BOLL: variants seen among roughly 807,000 people sequenced by gnomAD.
BOLL encodes protein boule-like.
BOLL carries 23 observed loss-of-function variants against 44.4 expected under a neutral mutation model. The observed-to-expected ratio is 0.52, with a 90% confidence interval of 0.37 to 0.73. The LOEUF (loss-of-function observed/expected upper bound fraction) is 0.73, where lower values mean the gene tolerates loss of function less well. Among genes scored for constraint, BOLL ranks in the 30% least tolerant of loss-of-function variants. BOLL has a pLI of 0.00. For synonymous variants in BOLL, 97 were observed against 110.8 expected (o/e 0.88, Z 0.78); for missense variants, 287 against 338.3 (o/e 0.85, Z 1.19).
intron 3 of BOLL, among the ~76,000 whole-genome samples, 166 bp downstream of exon 3, chr2:197,778,805 TACAC>T (rs71964015): frequency 2.8e-5 from 4 of 143,478 alleles, no homozygotes; most frequent in Admixed American, 7.0e-5. Context: ...CCCTCCAAAA[TACAC>T]ACACACACAC....
chr2:197,753,287 A>T (rs1688349324), intron 9 of BOLL, among the ~76,000 whole-genome samples: 1 of 152,250 alleles, frequency 6.6e-6, no homozygotes, highest in African/African-American at 2.4e-5. Context: ...AAATTGACAA[A>T]TGGGATCTAA....
chr2:197,778,410 G>A (rs1689611384), intron 3 of BOLL, among the ~76,000 whole-genome samples: 1 of 151,694 alleles, frequency 6.6e-6, no homozygotes, highest in South Asian at 2.1e-4. Context: ...TCTGAAATTT[G>A]GCTTTGTACA....
intron 10 of BOLL, among the ~76,000 whole-genome samples, chr2:197,730,774 G>A (rs893472469): frequency 6.6e-6 from 1 of 152,002 alleles, no homozygotes; most frequent in Non-Finnish European, 1.5e-5. Flanking sequence ...GAGAGATTTT[G>A]TCACCACCAG....
intron 9 of BOLL, among the ~76,000 whole-genome samples, chr2:197,745,066 T>C (rs1187974507): frequency 6.6e-6 from 1 of 152,022 alleles, no homozygotes; most frequent in Non-Finnish European, 1.5e-5. Context: ...GTTTCAGGGG[T>C]TGGAGGCTGA....
chr2:197,780,928 C>G (rs1469422318), intron 2 of BOLL, among the ~76,000 whole-genome samples: 1 of 152,008 alleles, frequency 6.6e-6, no homozygotes, highest in Admixed American at 6.6e-5. Context: ...TTTACTCTTA[C>G]CTCCCCTATG....
intron 10 of BOLL, among the ~76,000 whole-genome samples, chr2:197,729,214 G>A (rs1687008589): frequency 1.3e-5 from 2 of 152,320 alleles, no homozygotes; most frequent in African/African-American, 4.8e-5. Context: ...AAGGGGTGAT[G>A]GACGGCACCT....
chr2:197,736,249 C>T (rs1192019129), intron 10 of BOLL, among the ~76,000 whole-genome samples: 2 of 151,756 alleles, frequency 1.3e-5, no homozygotes, highest in African/African-American at 4.8e-5. Flanking sequence ...AAACATAGGC[C>T]AACAAAAGTG....
Position 197,777,090 on chromosome 2 carries a change from G to A in BOLL, c.245C>T (p.Thr82Ile). 1 of 1,570,848 alleles carries A rather than the reference G, an allele frequency of 6.4e-7. No homozygotes were observed. The highest frequency in any genetic ancestry group is 8.7e-7 in the Non-Finnish European group (1 of 1,151,010). Reference sequence around the variant, plus strand: ...TAAAATTTTTTGTGCATCTTCTTGTGTTTCAAAAGTGACGAAACCATACCT... The same window carrying A: ...TAAAATTTTTTGTGCATCTTCTTGTATTTCAAAAGTGACGAAACCATACCT... ...SKGYGFVTFE[T>I]QEDAQKILQE... The change falls in exon 4 of 11, where the codon ACA becomes ATA. Residue 82 changes from threonine to isoleucine, a missense_variant. Thr to Ile is a moderately conservative substitution (Grantham distance 89). Coordinates refer to ENST00000392296, the MANE Select transcript of BOLL (RefSeq NM_033030.6).
At chr2:197,773,423 T>G (rs1689357492) in intron 5 of BOLL, among the ~76,000 whole-genome samples, 1 of 151,838 alleles carries the variant, frequency 6.6e-6, no homozygotes, top group Non-Finnish European at 1.5e-5. Context: ...AGAAGTTAGG[T>G]CTGGTAGTGA....
chr2:197,738,723 C>G (rs967427460), intron 10 of BOLL, among the ~76,000 whole-genome samples: 5 of 151,864 alleles, frequency 3.3e-5, no homozygotes, highest in African/African-American at 1.2e-4. Flanking sequence ...ATGAGTTTTA[C>G]GCTTATAAAA....
At chr2:197,775,602 T>C in intron 5 of BOLL, 63 bp downstream of exon 5, 2 of 1,049,012 alleles carry the variant, frequency 1.9e-6, no homozygotes, top group Non-Finnish European at 2.8e-6. Flanking sequence ...CTATAAAAAG[T>C]CTTATATTTC....
At chr2:197,778,765 A>C (rs1279157680) in intron 3 of BOLL, among the ~76,000 whole-genome samples, 1 of 151,476 alleles carries the variant, frequency 6.6e-6, no homozygotes, top group Non-Finnish European at 1.5e-5. Flanking sequence ...ATAACTTCTC[A>C]ACAAATTAAG....
intron 2 of BOLL, among the ~76,000 whole-genome samples, chr2:197,780,148 T>A (rs1275190575): frequency 6.6e-6 from 1 of 152,062 alleles, no homozygotes; most frequent in African/African-American, 2.4e-5. Flanking sequence ...TCTGGTAGAA[T>A]AATCACTACC....
At chr2:197,741,102 C>T (rs1373369434) in intron 10 of BOLL, among the ~76,000 whole-genome samples, 1 of 152,122 alleles carries the variant, frequency 6.6e-6, no homozygotes, top group East Asian at 1.9e-4. Context: ...ATTGATTCTT[C>T]CTACCCGTGA....
chr2:197,774,123 G>A, intron 5 of BOLL: 1 of 376,122 alleles, frequency 2.7e-6, no homozygotes, highest in Middle Eastern at 3.6e-4. Context: ...GATAAGGGAT[G>A]GATGGTATAC....
chr2:197,756,617 G>T, intron 8 of BOLL, 61 bp from the exon 9 acceptor site: 1 of 1,448,322 alleles, frequency 6.9e-7, no homozygotes, highest in South Asian at 1.4e-5. Flanking sequence ...TAAACCAAAT[G>T]ACTTAGCCAA....
At chr2:197,730,222 GATGAA>G (rs1687093305) in intron 10 of BOLL, among the ~76,000 whole-genome samples, 2 of 134,412 alleles carry the variant, frequency 1.5e-5, no homozygotes, top group Admixed American at 1.5e-4. Context: ...AGCGATGGAA[GATGAA>G]ATGAATGAAA....
At chr2:197,746,892 C>CT (rs1214117500) in intron 9 of BOLL, among the ~76,000 whole-genome samples, 1 of 114,422 alleles carries the variant, frequency 8.7e-6, no homozygotes, top group East Asian at 2.4e-4. Flanking sequence ...GAGTGAGACT[C>CT]TGTCTCGAAA....
rs111915673 is a variant in BOLL at position 197,736,531 on chromosome 2, G to GTTAAAA, written c.828+6529_828+6530insTTTTAA. ...TTGCTAATTGTTTCAATTATAAGCTGTTAGAAGTTGAGTGAAGAGATACAT... is the reference window on the plus strand; with the variant it reads ...TTGCTAATTGTTTCAATTATAAGCTGTTAAAATTAGAAGTTGAGTGAAGAGATACAT... On this transcript the variant is annotated intron_variant, in intron 10 of 10. Transcript: ENST00000392296. Among the ~76,000 whole-genome samples, 1,080 of 152,174 alleles carry GTTAAAA rather than the reference G, an allele frequency of 7.1e-3. 20 individuals are homozygous for GTTAAAA. The highest frequency in any genetic ancestry group is 0.024 in the African/African-American group (1,011 of 41,530).
Sources: allele counts gnomAD v4.1 joint callset (sites outside exome capture counted in the v4.1 genomes callset), GRCh38; gene constraint gnomAD v4.1.1; transcripts MANE v1.5; gene names NCBI Gene and HGNC (gene_info 2026-07-23, HGNC 2026-07-21).